RPS6KC1: variants seen among roughly 807,000 people sequenced by gnomAD.
RPS6KC1 encodes the protein inactive ribosomal protein S6 kinase delta-1.
A neutral mutation model predicts 103.8 loss-of-function variants in RPS6KC1; 54 were observed. The ratio of observed to expected loss-of-function variants is 0.52; its 90% CI spans 0.42 to 0.65. The LOEUF (loss-of-function observed/expected upper bound fraction) is 0.65, where lower values mean the gene tolerates loss of function less well. RPS6KC1 is among the 30% of genes least tolerant of loss of function. RPS6KC1 has a pLI of 0.00. For missense variants in RPS6KC1, 1,151 were observed against 1,253.8 expected, an observed-to-expected ratio of 0.92 and a Z score of 1.24; for synonymous variants, 439 against 438.7, an observed-to-expected ratio of 1.00 and a Z score of -0.01.
the RPS6KC1 span, among the ~76,000 whole-genome samples, chr1:213,286,643 T>A: frequency 6.6e-6 from 1 of 152,314 alleles, no homozygotes; most frequent in South Asian, 2.1e-4. Flanking sequence ...ATCCAAATAA[T>A]GAGAGGTAGA....
At chr1:213,466,469 A>G in the RPS6KC1 span, among the ~76,000 whole-genome samples, 1 of 152,144 alleles carries the variant, frequency 6.6e-6, no homozygotes, top group Non-Finnish European at 1.5e-5. Flanking sequence ...AATGCTTACC[A>G]GTCCTGGGGT....
chr1:213,257,786 C>CTTTTTTTTTT (rs71147062), intron 12 of RPS6KC1, among the ~76,000 whole-genome samples: 3 of 49,410 alleles, frequency 6.1e-5, no homozygotes, highest in African/African-American at 1.6e-4. Flanking sequence ...ACAGGTAAAA[C>CTTTTTTTTTT]TTTTTTTTTT....
the RPS6KC1 span, among the ~76,000 whole-genome samples, chr1:213,804,145 CATA>C: frequency 4.2e-5 from 1 of 23,644 alleles, no homozygotes; most frequent in East Asian, 1.4e-3. Context: ...TGAAGTCAAA[CATA>C]AAAAAAAAAA....
chr1:213,762,982 C>T, the RPS6KC1 span, among the ~76,000 whole-genome samples: 4 of 152,028 alleles, frequency 2.6e-5, no homozygotes, highest in East Asian at 7.8e-4. Flanking sequence ...CCTTAGCCTC[C>T]CAAGTAGCTG....
At chr1:213,414,723 T>G in the RPS6KC1 span, among the ~76,000 whole-genome samples, 1 of 146,812 alleles carries the variant, frequency 6.8e-6, no homozygotes, top group Non-Finnish European at 1.5e-5. Flanking sequence ...AACTGATGGA[T>G]AAATGGAGTA....
chr1:213,845,111 A>G, the RPS6KC1 span, among the ~76,000 whole-genome samples: 2 of 152,184 alleles, frequency 1.3e-5, no homozygotes, highest in South Asian at 2.1e-4. Context: ...TCATTCTTAC[A>G]GTAAACCTCT....
At chr1:213,821,093 G>C in the RPS6KC1 span, 2 of 152,322 alleles carry the variant, frequency 1.3e-5, no homozygotes, top group East Asian at 1.9e-4. Context: ...AGGCAGACAC[G>C]GGTCAGTCCT....
At chr1:213,551,347 G>C in the RPS6KC1 span, among the ~76,000 whole-genome samples, 174 of 152,208 alleles carry the variant, frequency 1.1e-3, 1 homozygote, top group African/African-American at 4.0e-3. Context: ...CAGACAAAAG[G>C]GGGAAGGAAA....
the RPS6KC1 span, among the ~76,000 whole-genome samples, chr1:213,444,971 A>G: frequency 1.3e-5 from 2 of 152,186 alleles, no homozygotes; most frequent in Non-Finnish European, 2.9e-5. Context: ...TCATTACCTC[A>G]AAAAGAAACC....
chr1:213,109,597 A>G (rs529547679), intron 4 of RPS6KC1, among the ~76,000 whole-genome samples: 4 of 152,072 alleles, frequency 2.6e-5, no homozygotes, highest in African/African-American at 9.6e-5. Context: ...TGGTTCATTC[A>G]TGTTGTAGCA....
intron 12 of RPS6KC1, among the ~76,000 whole-genome samples, chr1:213,260,756 CAAA>C (rs35685015): frequency 0.022 from 2,688 of 121,654 alleles, 36 homozygotes; most frequent in Middle Eastern, 0.065. Flanking sequence ...CTAAAAGCCT[CAAA>C]AAAAAAAAAA....
At chr1:213,105,216 GTTTTT>G (rs79795539) in intron 4 of RPS6KC1, among the ~76,000 whole-genome samples, 1 of 131,174 alleles carries the variant, frequency 7.6e-6, no homozygotes, top group African/African-American at 2.7e-5. Flanking sequence ...TTCATTTTAA[GTTTTT>G]TTTTTTTTTT....
At chr1:213,213,052 T>G (rs1361650886) in intron 8 of RPS6KC1, among the ~76,000 whole-genome samples, 2 of 152,206 alleles carry the variant, frequency 1.3e-5, no homozygotes, top group African/African-American at 4.8e-5. Context: ...TCATGGAGCA[T>G]AAGTTTTTAA....
chr1:213,747,582 C>A, the RPS6KC1 span, among the ~76,000 whole-genome samples: 1 of 152,156 alleles, frequency 6.6e-6, no homozygotes, highest in African/African-American at 2.4e-5. Context: ...TAGCTATAAG[C>A]AATCAACTAA....
the RPS6KC1 span, among the ~76,000 whole-genome samples, chr1:213,400,579 T>C: frequency 3.3e-5 from 5 of 152,092 alleles, no homozygotes; most frequent in Non-Finnish European, 7.4e-5. Flanking sequence ...AGAGGTCAGG[T>C]GACTTGCGCA....
chr1:213,693,272 A>T, the RPS6KC1 span, among the ~76,000 whole-genome samples: 1 of 152,066 alleles, frequency 6.6e-6, no homozygotes, highest in Admixed American at 6.6e-5. Flanking sequence ...TGACTGACTC[A>T]TATTCATCCT....
At chr1:213,770,220 A>T in the RPS6KC1 span, among the ~76,000 whole-genome samples, 1 of 152,180 alleles carries the variant, frequency 6.6e-6, no homozygotes. Context: ...AGGTCATGCA[A>T]CATGTTTGCA....
intron 6 of RPS6KC1, among the ~76,000 whole-genome samples, chr1:213,137,888 T>C (rs1295889419): frequency 7.2e-6 from 1 of 138,776 alleles, no homozygotes; most frequent in African/African-American, 2.6e-5. Context: ...ACCACATCCA[T>C]TGGCTTACAA....
chr1:213,151,131 C>T (rs1189978693), intron 6 of RPS6KC1, among the ~76,000 whole-genome samples: 1 of 147,614 alleles, frequency 6.8e-6, no homozygotes, highest in African/African-American at 2.5e-5. Context: ...CTGACCCCCC[C>T]ACCTCCCTCC....
Sources: allele counts gnomAD v4.1 joint callset (sites outside exome capture counted in the v4.1 genomes callset), GRCh38; gene constraint gnomAD v4.1.1; transcripts MANE v1.5; gene names NCBI Gene and HGNC (gene_info 2026-07-23, HGNC 2026-07-21).